Variants in CYP2C19 observed in about 807,000 individuals in gnomAD.
The protein encoded by CYP2C19 is cytochrome P450 family 2 subfamily C member 19, also known as cytochrome P450 2C19.
Under a neutral mutation model 40.9 loss-of-function variants are expected in CYP2C19, and 59 were observed. That is an observed-to-expected ratio of 1.44 (90% CI 1.17 to 1.79). The LOEUF (loss-of-function observed/expected upper bound fraction) is 1.79. Among genes scored for constraint, CYP2C19 ranks in the 40% most tolerant of loss-of-function variants. CYP2C19 has a pLI of 0.00. For missense variants in CYP2C19, 754 were observed against 596.9 expected (o/e 1.26, Z -2.74); for synonymous variants, 253 against 208.7 (o/e 1.21, Z -1.83).
chr10:94,792,960 G>T (rs1050107688), intron 5 of CYP2C19, among the ~76,000 whole-genome samples: 14 of 152,108 alleles, frequency 9.2e-5, no homozygotes, highest in East Asian at 1.9e-4. Flanking sequence ...TTCCAACTTG[G>T]TTCCATTCTC....
intron 5 of CYP2C19, among the ~76,000 whole-genome samples, chr10:94,802,288 C>T (rs1848777511): frequency 6.6e-6 from 1 of 152,318 alleles, no homozygotes; most frequent in South Asian, 2.1e-4. Context: ...CAAGTCCCCA[C>T]CCAACCCAGA....
At chr10:94,817,315 T>C (rs2134265118) in intron 5 of CYP2C19, among the ~76,000 whole-genome samples, 1 of 151,438 alleles carries the variant, frequency 6.6e-6, no homozygotes, top group African/African-American at 2.4e-5. Context: ...TGATTTGTAT[T>C]TCTCTGATGG....
intron 6 of CYP2C19, among the ~76,000 whole-genome samples, chr10:94,837,784 G>T (rs1849428079): frequency 1.3e-5 from 2 of 152,102 alleles, no homozygotes; most frequent in African/African-American, 2.4e-5. Context: ...ATGGGCTGGG[G>T]CTTGCCCCAG....
At chr10:94,850,712 A>G (rs951876794) in intron 8 of CYP2C19, among the ~76,000 whole-genome samples, 4 of 152,200 alleles carry the variant, frequency 2.6e-5, no homozygotes, top group African/African-American at 4.8e-5. Context: ...GGATGAAAAG[A>G]AGAGAAGGCA....
chr10:94,780,789 G>A (rs1268160345), intron 4 of CYP2C19, 130 bp downstream of exon 4: 7 of 980,338 alleles, frequency 7.1e-6, no homozygotes, highest in Non-Finnish European at 1.1e-5. Context: ...CAGCCATGGG[G>A]TGAATATCTG....
chr10:94,841,848 A>G (rs1849500150), intron 6 of CYP2C19, among the ~76,000 whole-genome samples: 1 of 152,230 alleles, frequency 6.6e-6, no homozygotes, highest in Admixed American at 6.5e-5. Context: ...CTTGGTGGTC[A>G]GAGAAGATGC....
At chr10:94,803,522 C>T (rs1848794243) in intron 5 of CYP2C19, among the ~76,000 whole-genome samples, 1 of 152,188 alleles carries the variant, frequency 6.6e-6, no homozygotes, top group African/African-American at 2.4e-5. Flanking sequence ...GTGGTCTGGG[C>T]TCCCTGCTCA....
chr10:94,787,079 T>C (rs938409497), intron 5 of CYP2C19, among the ~76,000 whole-genome samples: 1 of 152,164 alleles, frequency 6.6e-6, no homozygotes, highest in Admixed American at 6.6e-5. Flanking sequence ...TCCAAACTGC[T>C]TTCCATAGTG....
At chr10:94,771,778 C>T (rs746139933) in intron 1 of CYP2C19, among the ~76,000 whole-genome samples, 1 of 152,076 alleles carries the variant, frequency 6.6e-6, no homozygotes, top group South Asian at 2.1e-4. Context: ...GCAGCAGAAA[C>T]ACCTCTTGCC....
At chr10:94,851,633 G>A (rs144855159) in intron 8 of CYP2C19, among the ~76,000 whole-genome samples, 2 of 152,090 alleles carry the variant, frequency 1.3e-5, no homozygotes, top group South Asian at 4.1e-4. Flanking sequence ...AGATTGAGGT[G>A]TCAGCAAGTT....
intron 6 of CYP2C19, among the ~76,000 whole-genome samples, chr10:94,828,530 A>C (rs927226217): frequency 5.4e-5 from 8 of 147,944 alleles, no homozygotes; most frequent in East Asian, 4.0e-4. Flanking sequence ...ATCTTCCTCC[A>C]TCCTTTTATT....
chr10:94,832,115 T>C (rs1463630518), intron 6 of CYP2C19, among the ~76,000 whole-genome samples: 3 of 152,232 alleles, frequency 2.0e-5, no homozygotes, highest in Non-Finnish European at 2.9e-5. Context: ...TTCATCCCTC[T>C]GTGTAGGATA....
chr10:94,802,482 C>A (rs569484551), intron 5 of CYP2C19, among the ~76,000 whole-genome samples: 2 of 152,200 alleles, frequency 1.3e-5, no homozygotes, highest in South Asian at 4.2e-4. Flanking sequence ...GGTGTCTCTG[C>A]ATGTGAGATG....
intron 3 of CYP2C19, among the ~76,000 whole-genome samples, chr10:94,778,378 A>G (rs1377719588): frequency 6.6e-6 from 1 of 152,148 alleles, no homozygotes; most frequent in African/African-American, 2.4e-5. Context: ...GACCTTTCAG[A>G]AGGCCTGCTC....
Position 94,765,958 on chromosome 10 carries a change from G to GTTACAA in CYP2C19, c.168+3085_168+3086insTTACAA, listed in dbSNP as rs1398620733. On this transcript the variant is annotated intron_variant, in intron 1 of 8. Coordinates refer to ENST00000371321, the MANE Select transcript of CYP2C19 (RefSeq NM_000769.4). ...TATTTGTAGTTACAAGGCTGTGTAT[G>GTTACAA]GGCTTTTCATTGCTTGTGTAATAGG... Among the ~76,000 whole-genome samples, 852 of 152,188 alleles carry GTTACAA rather than the reference G, an allele frequency of 5.6e-3. 12 individuals carry two copies. Among genetic ancestry groups the GTTACAA allele is most frequent in the African/African-American group, 0.019 (781 of 41,530 alleles).
At chr10:94,838,753 T>C (rs1420800708) in intron 6 of CYP2C19, among the ~76,000 whole-genome samples, 2 of 152,054 alleles carry the variant, frequency 1.3e-5, no homozygotes, top group African/African-American at 4.8e-5. Flanking sequence ...TTTTACATAA[T>C]TGCGAGTTGT....
At chr10:94,845,137 A>ATC (rs780544366) in intron 7 of CYP2C19, among the ~76,000 whole-genome samples, 60 of 152,264 alleles carry the variant, frequency 3.9e-4, no homozygotes, top group Non-Finnish European at 6.9e-4. Context: ...TACAGGCTGG[A>ATC]TCCACTTATC....
intron 5 of CYP2C19, among the ~76,000 whole-genome samples, chr10:94,808,249 GT>G (rs1404092750): frequency 1.3e-5 from 2 of 151,642 alleles, no homozygotes; most frequent in Non-Finnish European, 2.9e-5. Flanking sequence ...CCAGTATAAT[GT>G]TATTTTAGAT....
At chr10:94,804,362 C>T (rs1848805292) in intron 5 of CYP2C19, among the ~76,000 whole-genome samples, 1 of 152,218 alleles carries the variant, frequency 6.6e-6, no homozygotes. Context: ...GTGGAGGCCC[C>T]TACCTTCCTC....
Sources: gnomAD v4.1 joint callset for allele counts (sites outside exome capture counted in the v4.1 genomes callset) on GRCh38, gnomAD v4.1.1 for gene constraint, MANE v1.5 for transcripts, NCBI Gene and HGNC (gene_info 2026-07-23, HGNC 2026-07-21) for gene names.